Variants in TOP2A observed in about 807,000 individuals in gnomAD.
TOP2A encodes DNA topoisomerase II alpha.
Under a neutral mutation model 187.2 loss-of-function variants are expected in TOP2A, and 68 were observed. That is an observed-to-expected ratio of 0.36 (90% CI 0.30 to 0.44). The LOEUF (loss-of-function observed/expected upper bound fraction) is 0.44. TOP2A is among the 20% of genes least tolerant of loss of function. The pLI is 1.00. For missense variants in TOP2A, 1,196 were observed against 1,808.7 expected (o/e 0.66, Z 6.14); for synonymous variants, 542 against 593.2 (o/e 0.91, Z 1.25).
intron 16 of TOP2A, 122 bp downstream of exon 16, chr17:40,406,262 C>G: frequency 1.4e-6 from 1 of 729,106 alleles, no homozygotes; most frequent in Non-Finnish European, 2.1e-6. Context: ...TGGAAACATT[C>G]TATTCTATAA....
rs764002792 is a variant in TOP2A, at chr17:40,406,544, A to G, written c.1843+40T>C. ...CTTCATATAGTCTTGTACAGGGTGT[A>G]TAATAAAATGAGAAGTTCTATATGG... On this transcript the variant is annotated intron_variant, in intron 15 of 34. Coordinates refer to ENST00000423485, the MANE Select transcript of TOP2A (RefSeq NM_001067.4). The G allele has an allele frequency of 4.4e-6, 7 of 1,605,852 alleles. No individual in the cohort carries two copies. The Admixed American group carries it at 6.8e-5, about 16-fold the overall frequency.
rs1395823993 is a variant in TOP2A at position 40,407,530 on chromosome 17, A to T, written c.1626+19T>A. 3 of 1,534,486 alleles carry T rather than the reference A, an allele frequency of 2.0e-6. No homozygotes were observed. The highest frequency in any genetic ancestry group is 2.6e-6 in the Non-Finnish European group (3 of 1,148,026). On this transcript the variant is annotated intron_variant, in intron 13 of 34. Coordinates refer to ENST00000423485, the MANE Select transcript of TOP2A (RefSeq NM_001067.4). ...CTTAATTTAGTTGAACAATCTAAAA[A>T]TTTAATAACAAATCTGACCTGATCT...
At chr17:40,401,601 C>T (rs1425306625) in intron 20 of TOP2A, among the ~76,000 whole-genome samples, 2 of 151,634 alleles carry the variant, frequency 1.3e-5, no homozygotes, top group South Asian at 2.1e-4. Context: ...CCCAGCAACA[C>T]GGGAGGCTGA....
intron 6 of TOP2A, 40 bp from the exon 7 acceptor site, chr17:40,413,011 C>A: frequency 1.3e-6 from 2 of 1,531,532 alleles, no homozygotes; most frequent in South Asian, 2.4e-5. Flanking sequence ...AAATTCAAGT[C>A]ATCTCACAAA....
rs1031055743 is a variant in TOP2A at position 40,405,928 on chromosome 17, G to A, written c.1953+456C>T. Reference sequence around the variant, plus strand: ...ACTATAGCTGCGTGCCACCACGGCCGGCTAATTTTTTGTATTTTTAGCAGA... The same window carrying A: ...ACTATAGCTGCGTGCCACCACGGCCAGCTAATTTTTTGTATTTTTAGCAGA... On this transcript the variant is annotated intron_variant, in intron 16 of 34. Transcript: ENST00000423485. Among the ~76,000 whole-genome samples, 6 of 150,268 alleles carry A rather than the reference G, an allele frequency of 4.0e-5. No individual in the cohort carries two copies. In the East Asian group the frequency reaches 6.0e-4, roughly 15 times the overall value.
At chr17:40,417,284 C>T (rs146749750) in intron 1 of TOP2A, among the ~76,000 whole-genome samples, 35 of 152,258 alleles carry the variant, frequency 2.3e-4, no homozygotes, top group African/African-American at 6.7e-4. Flanking sequence ...TCGGCAGCAG[C>T]AGTTTGGGCG....
Position 40,400,261 on chromosome 17 carries a change from A to ACT in TOP2A, c.2946_2947dup (p.Val983GlufsTer25). The ACT allele has an allele frequency of 1.9e-6, 3 of 1,613,612 alleles. No individual in the cohort carries two copies. Among genetic ancestry groups the ACT allele is most frequent in the Non-Finnish European group, 1.7e-6 (2 of 1,179,844 alleles). ...GAGTTTGAAGACTTTGTGTAGTCCA[A>ACT]CTCTCTCTGCCTCTGCCAGTTTTTC... On this transcript the variant is annotated frameshift_variant, in exon 23 of 35. Transcript: ENST00000423485. LOFTEE classifies it high-confidence loss of function.
At position 40,400,008 on chromosome 17, in the gene TOP2A, T is replaced by A. The variant is rs1274650999; in HGVS notation, c.3060A>T (p.Arg1020Ser). The change falls in exon 24 of 35, where the codon AGA becomes AGT. Residue 1020 changes from arginine (R) to serine (S), a missense_variant. By Grantham distance (110) the Arg-to-Ser change is moderately radical (BLOSUM62 -1). Around this residue, in one of 10 missense-constraint regions of TOP2A, gnomAD observed 232 missense variants for 306.1 expected, o/e 0.76. Coordinates refer to ENST00000423485, the MANE Select transcript of TOP2A (RefSeq NM_001067.4). ...ATTTAAGTCTGAGTTCAAAAAAGTC[T>A]CTTAGAATATCCAACACCGTGTCAT... The part of the protein sequence containing the change: ...KKYDTVLDIL[R>S]DFFELRLKYY... 1 of 1,613,350 alleles carries A rather than the reference T, an allele frequency of 6.2e-7. No homozygotes were observed. Among genetic ancestry groups the A allele is most frequent in the Non-Finnish European group, 8.5e-7 (1 of 1,179,680 alleles).
At chr17:40,416,321 G>T (rs893017250) in intron 3 of TOP2A, 101 bp downstream of exon 3, 54 of 872,310 alleles carry the variant, frequency 6.2e-5, no homozygotes, top group Middle Eastern at 2.9e-4. Flanking sequence ...TGGTAGAAAT[G>T]ATACTTTTTG....
chr17:40,392,479 T>C (rs1428971023), intron 30 of TOP2A, 106 bp downstream of exon 30: 1 of 1,466,482 alleles, frequency 6.8e-7, no homozygotes, highest in East Asian at 2.3e-5. Context: ...TTTAACATAA[T>C]TTACTGCTCT....
At chr17:40,403,154 T>C (rs1598613944) in intron 19 of TOP2A, 100 bp from the exon 20 acceptor site, 1 of 1,161,032 alleles carries the variant, frequency 8.6e-7, no homozygotes, top group East Asian at 2.6e-5. Flanking sequence ...TGAGGTCTAG[T>C]TGTTTAGTGA....
chr17:40,410,593 A>G, intron 10 of TOP2A: 1 of 456,022 alleles, frequency 2.2e-6, no homozygotes, highest in Non-Finnish European at 4.4e-6. Context: ...ACCAAAAAAG[A>G]GATAATGGTG....
chr17:40,403,776 G>A (rs1004702804), intron 19 of TOP2A, among the ~76,000 whole-genome samples: 1 of 152,094 alleles, frequency 6.6e-6, no homozygotes, highest in Non-Finnish European at 1.5e-5. Context: ...TTCCTCACCT[G>A]AGAATAGACC....
chr17:40,413,456 T>C, intron 5 of TOP2A, 24 bp downstream of exon 5: 1 of 1,496,422 alleles, frequency 6.7e-7, no homozygotes, highest in Non-Finnish European at 8.9e-7. Flanking sequence ...GCAACAAATA[T>C]GTTATTTCCC....
chr17:40,413,415 A>G, intron 5 of TOP2A, 65 bp downstream of exon 5: 1 of 1,411,268 alleles, frequency 7.1e-7, no homozygotes, highest in South Asian at 1.4e-5. Flanking sequence ...CCCTCATGCC[A>G]CAGACAGTCA....
intron 16 of TOP2A, 73 bp from the exon 17 acceptor site, chr17:40,404,956 G>A: frequency 1.2e-6 from 1 of 826,246 alleles, no homozygotes; most frequent in Non-Finnish European, 1.9e-6. Context: ...CTTCTACAAA[G>A]AACGAACAAC....
Position 40,395,488 on chromosome 17 carries a change from G to A in TOP2A, c.3772C>T (p.Leu1258=), listed in dbSNP as rs752426759. Residue 1258 remains leucine (L), a synonymous_variant, in exon 29 of 35, where the codon CTA becomes TTA. Transcript: ENST00000423485. The stretch of plus-strand genomic sequence containing the variant: ...TGTTTCTTTTCTAATCTTTGTTTTA[G>A]GCCTTCTAGTTCCACACCATCTTCT... ...PQEDGVELEG[L]KQRLEKKQKR... 3.7e-6 allele frequency: 6 copies of A among 1,611,640 alleles called. No homozygotes were observed. The South Asian group carries it at 5.5e-5, about 15-fold the overall frequency.
intron 26 of TOP2A, 41 bp from the exon 27 acceptor site, chr17:40,398,682 C>T (rs2035134234): frequency 6.2e-7 from 1 of 1,605,182 alleles, no homozygotes; most frequent in East Asian, 2.2e-5. Flanking sequence ...TATATGTATA[C>T]AAGCAGCATT....
intron 34 of TOP2A, 84 bp downstream of exon 34, chr17:40,389,881 A>G: frequency 7.1e-7 from 1 of 1,401,370 alleles, no homozygotes. Flanking sequence ...TTTCTTAAAG[A>G]TATGCCAAAT....
Sources: allele counts gnomAD v4.1 joint callset (sites outside exome capture counted in the v4.1 genomes callset), GRCh38; gene constraint gnomAD v4.1.1; regional missense constraint gnomAD v4.1.1; transcripts MANE v1.5; gene names NCBI Gene and HGNC (gene_info 2026-07-23, HGNC 2026-07-21).